The following RCAN1 variants were observed in gnomAD, a reference collection of about 807,000 sequenced individuals.
RCAN1 encodes the protein calcipressin-1.
RCAN1 carries 11 observed loss-of-function variants against 22.9 expected under a neutral mutation model. The ratio of observed to expected loss-of-function variants is 0.48; its 90% CI spans 0.30 to 0.79. The LOEUF is 0.79. Ranked by LOEUF, RCAN1 falls within the 30% of genes least tolerant of loss-of-function variation. The probability of loss-of-function intolerance (pLI) is 0.06; values close to 1 mark genes in which losing one functional copy is unlikely to be tolerated. For synonymous variants in RCAN1, 136 were observed against 142.3 expected, an observed-to-expected ratio of 0.96 and a Z score of 0.32; for missense variants, 291 against 337.8, an observed-to-expected ratio of 0.86 and a Z score of 1.09.
chr21:34,528,947 T>C (rs1389607674), intron 1 of RCAN1, among the ~76,000 whole-genome samples: 2 of 138,064 alleles, frequency 1.4e-5, no homozygotes, highest in Non-Finnish European at 3.2e-5. Flanking sequence ...GATTTCGTTA[T>C]ATGGATGGAA....
At chr21:34,533,878 C>G (rs948615574) in intron 1 of RCAN1, among the ~76,000 whole-genome samples, 3 of 152,184 alleles carry the variant, frequency 2.0e-5, no homozygotes, top group African/African-American at 7.2e-5. Flanking sequence ...GCCCAGGGAA[C>G]AGCAGGTGTG....
At chr21:34,556,096 A>ATAAATAAATAAT (rs1321238080) in intron 1 of RCAN1, among the ~76,000 whole-genome samples, 23 of 70,502 alleles carry the variant, frequency 3.3e-4, no homozygotes, top group African/African-American at 5.7e-4. Flanking sequence ...AAATAAATAA[A>ATAAATAAATAAT]TAATTAAAGG....
At chr21:34,527,719 AT>A (rs1447943115) in intron 1 of RCAN1, among the ~76,000 whole-genome samples, 2 of 152,130 alleles carry the variant, frequency 1.3e-5, no homozygotes, top group Non-Finnish European at 2.9e-5. Context: ...AATTTTTTGA[AT>A]TTTTGCCATC....
intron 1 of RCAN1, among the ~76,000 whole-genome samples, chr21:34,541,462 G>A (rs1985908449): frequency 6.6e-6 from 1 of 152,204 alleles, no homozygotes; most frequent in African/African-American, 2.4e-5. Flanking sequence ...ATCATCCACT[G>A]TCATGTGGCA....
At chr21:34,533,394 A>C (rs1227959686) in intron 1 of RCAN1, among the ~76,000 whole-genome samples, 1 of 152,218 alleles carries the variant, frequency 6.6e-6, no homozygotes, top group Non-Finnish European at 1.5e-5. Context: ...TTTTTTAATC[A>C]AATAAAAGCA....
chr21:34,518,334 G>C lies in RCAN1; in HGVS notation c.587-78C>G. ...AAGGCAAACATAAAAGAGCATTCAG[G>C]GCTCTGCTGGGCCAGCTGCTCGTGA... On this transcript the variant is annotated intron_variant, in intron 3 of 3. Coordinates refer to ENST00000313806, the MANE Select transcript of RCAN1 (RefSeq NM_004414.7). This position sits in a 1 kb window ranked among gnomAD's most constrained non-coding sequence, Gnocchi z 4.2. The C allele has an allele frequency of 7.0e-7, 1 of 1,438,422 alleles. No homozygotes were observed. Among genetic ancestry groups the C allele is most frequent in the Non-Finnish European group, 9.5e-7 (1 of 1,053,650 alleles). The allele number at this position is 1,438,422 out of a possible 1,614,324, so 89.1% of individuals were successfully genotyped here. A position where few individuals can be genotyped will look rare whatever the true frequency, so the allele number is the denominator to read the frequency against.
intron 1 of RCAN1, among the ~76,000 whole-genome samples, chr21:34,564,654 G>A (rs542855752): frequency 1.2e-4 from 19 of 152,192 alleles, no homozygotes; most frequent in Middle Eastern, 6.8e-3. Context: ...AAGTAAAGCT[G>A]AAGTAATGTA....
At chr21:34,542,665 G>T (rs1875663934) in intron 1 of RCAN1, among the ~76,000 whole-genome samples, 1 of 152,240 alleles carries the variant, frequency 6.6e-6, no homozygotes, top group Non-Finnish European at 1.5e-5. Context: ...ATTACGTTTT[G>T]GGTGGCTTGT....
At chr21:34,592,027 A>G (rs1221699008) in intron 1 of RCAN1, among the ~76,000 whole-genome samples, 3 of 152,218 alleles carry the variant, frequency 2.0e-5, no homozygotes, top group Non-Finnish European at 2.9e-5. Flanking sequence ...GTGCCACCAA[A>G]TGAAATAAAG....
intron 1 of RCAN1, among the ~76,000 whole-genome samples, chr21:34,601,102 T>G (rs1044511068): frequency 3.9e-5 from 6 of 152,256 alleles, no homozygotes; most frequent in African/African-American, 1.4e-4. Flanking sequence ...ATTTTCTTGT[T>G]CATGATGATG....
At chr21:34,565,898 C>T (rs1425571154) in intron 1 of RCAN1, among the ~76,000 whole-genome samples, 3 of 152,210 alleles carry the variant, frequency 2.0e-5, no homozygotes, top group African/African-American at 7.2e-5. Flanking sequence ...GGGCGGAGCT[C>T]ACACCTGGGT....
chr21:34,527,679 A>C (rs1037817330), intron 1 of RCAN1, among the ~76,000 whole-genome samples: 1 of 152,204 alleles, frequency 6.6e-6, no homozygotes, highest in Admixed American at 6.5e-5. Flanking sequence ...CTGAGCAAAG[A>C]AGCATTAACC....
At chr21:34,595,430 C>T (rs528949026) in intron 1 of RCAN1, among the ~76,000 whole-genome samples, 1 of 152,342 alleles carries the variant, frequency 6.6e-6, no homozygotes, top group Admixed American at 6.5e-5. Context: ...GAATAGAATC[C>T]TAGTAATTTT....
rs201077551 is a variant in RCAN1 at position 34,518,047 on chromosome 21, G to A, written c.*37C>T. The A allele has an allele frequency of 9.3e-6, 15 of 1,609,864 alleles. No individual in the cohort carries two copies. Among genetic ancestry groups the A allele is most frequent in the Non-Finnish European group, 1.3e-5 (15 of 1,177,356 alleles). On this transcript the variant is annotated 3_prime_UTR_variant, in exon 4 of 4. Coordinates refer to ENST00000313806, the MANE Select transcript of RCAN1 (RefSeq NM_004414.7). This position sits in a 1 kb window ranked among gnomAD's most constrained non-coding sequence, Gnocchi z 4.2. The stretch of plus-strand genomic sequence containing the variant: ...CTCCACAGTAAAAGATTCCTCCCGT[G>A]AGTATGATTTGGAATGCGTCCTCGT...
intron 1 of RCAN1, among the ~76,000 whole-genome samples, chr21:34,605,844 C>T (rs1375882029): frequency 1.3e-5 from 2 of 150,740 alleles, no homozygotes; most frequent in African/African-American, 4.9e-5. Context: ...CACTTGAACC[C>T]GGGAAGCAGA....
At chr21:34,604,379 G>C (rs1351229608) in intron 1 of RCAN1, among the ~76,000 whole-genome samples, 1 of 152,114 alleles carries the variant, frequency 6.6e-6, no homozygotes, top group Non-Finnish European at 1.5e-5. Context: ...TGATCTGCCC[G>C]CCTCAGCCTC....
rs370731460 is a variant in RCAN1, at chr21:34,586,862, G to A, written c.252+27898C>T. Among the ~76,000 whole-genome samples, 11 of 152,252 alleles carry A rather than the reference G, an allele frequency of 7.2e-5. No individual in the cohort carries two copies. In the East Asian group the frequency reaches 1.2e-3, roughly 16 times the overall value. On this transcript the variant is annotated intron_variant, in intron 1 of 3. Coordinates refer to ENST00000313806, the MANE Select transcript of RCAN1 (RefSeq NM_004414.7). The stretch of plus-strand genomic sequence containing the variant: ...CAAGCTACTTGGGAGGCTGAGGCAG[G>A]AGAATTGCTTGAACCCAGGAGACAG...
intron 1 of RCAN1, among the ~76,000 whole-genome samples, chr21:34,563,682 G>C (rs573352699): frequency 6.0e-4 from 90 of 150,406 alleles, no homozygotes; most frequent in African/African-American, 2.1e-3. Context: ...GCTGAGGCAG[G>C]TGGATCACTT....
chr21:34,603,285 C>G (rs934205106), intron 1 of RCAN1, among the ~76,000 whole-genome samples: 8 of 152,294 alleles, frequency 5.3e-5, no homozygotes, highest in Admixed American at 1.3e-4. Context: ...AGCTCTCCGG[C>G]CCCTCCACAA....
Sources: gnomAD v4.1 joint callset for allele counts (sites outside exome capture counted in the v4.1 genomes callset) on GRCh38, gnomAD v4.1.1 for gene constraint, Gnocchi (gnomAD v3.1) non-coding constraint, MANE v1.5 for transcripts, NCBI Gene and HGNC (gene_info 2026-07-23, HGNC 2026-07-21) for gene names.